GBP5: variants seen among roughly 807,000 people sequenced by gnomAD.
The protein encoded by GBP5 is guanylate binding protein 5.
GBP5 carries 48 observed loss-of-function variants against 58.2 expected under a neutral mutation model. The observed-to-expected ratio is 0.83, with a 90% confidence interval of 0.65 to 1.05. GBP5 has a LOEUF of 1.05. Ranked by LOEUF, GBP5 falls within the 50% of genes least tolerant of loss-of-function variation. The pLI, the probability that GBP5 is intolerant of heterozygous loss-of-function variation, is 0.00. For synonymous variants in GBP5, 248 were observed against 251.8 expected, an observed-to-expected ratio of 0.98 and a Z score of 0.14; for missense variants, 714 against 686.8, an observed-to-expected ratio of 1.04 and a Z score of -0.44.
At position 89,264,978 on chromosome 1, in the gene GBP5, A is replaced by C; in HGVS notation, c.869-12T>G. ...CAGGTTCTTTAGACCTTCATGGAAGAAAGAAACATTTATATTATTTGCAAA... is the reference window on the plus strand; with the variant it reads ...CAGGTTCTTTAGACCTTCATGGAAGCAAGAAACATTTATATTATTTGCAAA... On this transcript the variant is annotated splice_polypyrimidine_tract_variant and intron_variant, in intron 7 of 11. Transcript: ENST00000370459. 1 of 1,599,808 alleles carries C rather than the reference A, an allele frequency of 6.3e-7. No homozygotes were observed. The highest frequency in any genetic ancestry group is 8.5e-7 in the Non-Finnish European group (1 of 1,169,614).
At chr1:89,271,051 T>C (rs941359851) in intron 1 of GBP5, 189 bp from the exon 2 acceptor site, 2 of 152,238 alleles carry the variant, frequency 1.3e-5, no homozygotes, top group African/African-American at 4.8e-5. Flanking sequence ...GTCCCCAATG[T>C]CATCTGGATA....
chr1:89,269,655 T>C, intron 2 of GBP5, 81 bp from the exon 3 acceptor site: 1 of 927,262 alleles, frequency 1.1e-6, no homozygotes, highest in East Asian at 2.4e-5. Flanking sequence ...TTACTGAACC[T>C]GGGGACATAC....
rs1293666044 is a variant in GBP5, at chr1:89,262,252, C to T, written c.1615G>A (p.Glu539Lys). 1 of 1,614,040 alleles carries T rather than the reference C, an allele frequency of 6.2e-7. No homozygotes were observed. The change falls in exon 11 of 12, where the codon GAG (glutamate) becomes AAG (lysine). Residue 539 changes from glutamate (E) to lysine (K), a missense_variant. Coordinates refer to ENST00000370459, the MANE Select transcript of GBP5 (RefSeq NM_052942.5). ...TGTTGTTCCTGCATTTTCTGTTGCT[C>T]TGCCAGCCAATTTTGTTTGGCTATC... is the stretch of plus-strand genomic sequence containing the variant. ...MEIAKQNWLA[E>K]QQKMQEQQMQ...
At position 89,258,286 on chromosome 1, in the gene GBP5, A is replaced by G. The variant is rs544272650; in HGVS notation, c.*2418T>C. On this transcript the variant is annotated 3_prime_UTR_variant, in exon 12 of 12. Transcript: ENST00000370459. ...TCTAGGTTAACAGTAACAAGGTGTG[A>G]AACCTTAAATGACTTAATTTTCTGA... 6.6e-6 allele frequency among the ~76,000 whole-genome samples: 1 copy of G among 152,356 alleles called. No homozygotes were observed. The highest frequency in any genetic ancestry group is 2.1e-4 in the South Asian group (1 of 4,832).
Position 89,269,359 on chromosome 1 carries a change from C to A in GBP5, c.190+7G>T, listed in dbSNP as rs374989558. On this transcript the variant is annotated splice_region_variant and intron_variant, in intron 3 of 11. Transcript: ENST00000370459. ...GGGTTTGGCAGAGCTTTGCTGGTAC[C>A]ACTCACCCTTGTTCTTCCCAGCCAG... The A allele has an allele frequency of 1.2e-6, 2 of 1,613,476 alleles. No individual in the cohort carries two copies. The highest frequency in any genetic ancestry group is 1.7e-6 in the Non-Finnish European group (2 of 1,179,584).
rs749591951 is a variant in GBP5, at chr1:89,262,338, TGCCTTTGAATCGCC to T, written c.1515_1528del (p.Ala506GlufsTer54). ...CCTCTCCTGCATCATTTGCTCGTTC[TGCCTTTGAATCGCC>T]GCCAACCTTTGCGCTTCAGCCTTTT... On this transcript the variant is annotated frameshift_variant, in exon 11 of 12. Transcript: ENST00000370459. LOFTEE classifies it high-confidence loss of function. 17 of 1,614,072 alleles carry T rather than the reference TGCCTTTGAATCGCC, an allele frequency of 1.1e-5. No homozygotes were observed. The highest frequency in any genetic ancestry group is 1.4e-5 in the Non-Finnish European group (16 of 1,180,020).
At position 89,264,953 on chromosome 1, in the gene GBP5, CA is replaced by C; in HGVS notation, c.881del (p.Leu294ArgfsTer3). ...IMVNGSRLKNLVLTYVNAISS... is the reference protein window; with the variant it reads ...IMVNGSRLKNXVLTYVNAISS... Reference sequence around the variant, plus strand: ...TGATGGCATTGACATAGGTCAGCACCAGGTTCTTTAGACCTTCATGGAAGAA... The same window carrying C: ...TGATGGCATTGACATAGGTCAGCACCGGTTCTTTAGACCTTCATGGAAGAA... On this transcript the variant is annotated frameshift_variant, in exon 8 of 12. Transcript: ENST00000370459. LOFTEE classifies it high-confidence loss of function. 6.2e-7 allele frequency: 1 copy of C among 1,612,346 alleles called. No homozygotes were observed. The highest frequency in any genetic ancestry group is 8.5e-7 in the Non-Finnish European group (1 of 1,178,516).
intron 9 of GBP5, 98 bp from the exon 10 acceptor site, chr1:89,262,883 A>C: frequency 2.7e-6 from 2 of 733,786 alleles, no homozygotes. Flanking sequence ...TCTATTCCTC[A>C]TAGGAGAGGC....
At chr1:89,271,319 C>G (rs1467202353) in intron 1 of GBP5, 2 of 152,208 alleles carry the variant, frequency 1.3e-5, no homozygotes, top group Non-Finnish European at 2.9e-5. Flanking sequence ...AACTGGCTAT[C>G]TGTATCTCTC....
chr1:89,264,936 T>A lies in GBP5; in HGVS notation c.899A>T (p.Asn300Ile). The A allele has an allele frequency of 1.2e-6, 2 of 1,614,160 alleles. No individual in the cohort carries two copies. Among genetic ancestry groups the A allele is most frequent in the Non-Finnish European group, 1.7e-6 (2 of 1,179,972 alleles). Reference protein sequence around the residue: ...RLKNLVLTYVNAISSGDLPCI... With the variant: ...RLKNLVLTYVIAISSGDLPCI... ...AGGCAGATCCCCACTGCTGATGGCA[T>A]TGACATAGGTCAGCACCAGGTTCTT... Residue 300 changes from asparagine to isoleucine, a missense_variant, in exon 8 of 12, where the codon AAT becomes ATT. Physicochemically the swap from Asn to Ile is moderately radical, Grantham distance 149. Coordinates refer to ENST00000370459, the MANE Select transcript of GBP5 (RefSeq NM_052942.5).
intron 1 of GBP5, chr1:89,272,046 A>G (rs778262196): frequency 1.4e-4 from 21 of 152,180 alleles, no homozygotes; most frequent in Admixed American, 2.6e-4. Flanking sequence ...AGCTACTTAC[A>G]TTGCATCATA....
rs768310850 is a variant in GBP5, at chr1:89,267,471, G to A, written c.374C>T (p.Thr125Ile). The A allele has an allele frequency of 6.2e-7, 1 of 1,614,014 alleles. No homozygotes were observed. Among genetic ancestry groups the A allele is most frequent in the Non-Finnish European group, 8.5e-7 (1 of 1,179,924 alleles). ...IFALALLLSS[T>I]FVYNTVNKID... ...TTTGTTCACAGTATTGTACACAAAGGTGCTGCTCAGTAAGAGTGCCAGTGC... is the reference window on the plus strand; with the variant it reads ...TTTGTTCACAGTATTGTACACAAAGATGCTGCTCAGTAAGAGTGCCAGTGC... Residue 125 changes from threonine (T) to isoleucine (I), a missense_variant, in exon 5 of 12, where the codon ACC (threonine) becomes ATC (isoleucine). Coordinates refer to ENST00000370459, the MANE Select transcript of GBP5 (RefSeq NM_052942.5).
At chr1:89,266,783 T>G (rs1650237832) in intron 6 of GBP5, among the ~76,000 whole-genome samples, 174 bp downstream of exon 6, 1 of 152,140 alleles carries the variant, frequency 6.6e-6, no homozygotes, top group Non-Finnish European at 1.5e-5. Flanking sequence ...AAAATGCAAT[T>G]TAATATTGAA....
Position 89,269,858 on chromosome 1 carries a change from T to C in GBP5, c.-19-284A>G, listed in dbSNP as rs12033007. On this transcript the variant is annotated intron_variant, in intron 2 of 11. Coordinates refer to ENST00000370459, the MANE Select transcript of GBP5 (RefSeq NM_052942.5). The stretch of plus-strand genomic sequence containing the variant: ...CCATTTCCTGCGTCTAACCTACTAG[T>C]TTGAATCTAACTCTTATTCCATTGG... The C allele has an allele frequency of 8.1e-4, 159 of 196,044 alleles. 1 individual carries two copies. In the East Asian group the frequency reaches 0.019, roughly 23 times the overall value. 12.1% of individuals were successfully genotyped at this position (196,044 alleles called of 1,614,324 possible). A position where few individuals can be genotyped will look rare whatever the true frequency, so the allele number is the denominator to read the frequency against.
In GBP5 at chr1:89,260,731, ATT is replaced by A. The variant is rs1308559080; in HGVS notation, c.1732_1733del (p.Asn578Ter). On this transcript the variant is annotated frameshift_variant, in exon 12 of 12. Coordinates refer to ENST00000370459, the MANE Select transcript of GBP5 (RefSeq NM_052942.5). LOFTEE classifies it low-confidence loss of function (END_TRUNC). ...AGAGTAAAACACATGGATCATCGTTATTAACAGTCCTCTGGGCGTGCTGGAGC... is the reference window on the plus strand; with the variant it reads ...AGAGTAAAACACATGGATCATCGTTAAACAGTCCTCTGGGCGTGCTGGAGC... ...SELQHAQRTV[N>X]NDDPCVLL 1 of 1,613,666 alleles carries A rather than the reference ATT, an allele frequency of 6.2e-7. No individual in the cohort carries two copies.
intron 9 of GBP5, 132 bp downstream of exon 9, chr1:89,263,604 A>G (rs1157753314): frequency 1.1e-5 from 7 of 617,896 alleles, no homozygotes; most frequent in Admixed American, 1.1e-4. Context: ...TGCTTATTCA[A>G]GAAAAGGATT....
Position 89,258,248 on chromosome 1 carries a change from C to G in GBP5, c.*2456G>C, listed in dbSNP as rs1400186087. On this transcript the variant is annotated 3_prime_UTR_variant, in exon 12 of 12. Coordinates refer to ENST00000370459, the MANE Select transcript of GBP5 (RefSeq NM_052942.5). The stretch of plus-strand genomic sequence containing the variant: ...GTTAAATTAGACTAGAAATCAACTA[C>G]TTTGTAACATGGTCTAGGTTAACAG... 6.6e-6 allele frequency among the ~76,000 whole-genome samples: 1 copy of G among 152,138 alleles called. No individual in the cohort carries two copies. The highest frequency in any genetic ancestry group is 2.4e-5 in the African/African-American group (1 of 41,426).
intron 8 of GBP5, 32 bp from the exon 9 acceptor site, chr1:89,263,980 G>C (rs1426734220): frequency 1.6e-6 from 2 of 1,240,606 alleles, no homozygotes; most frequent in African/African-American, 3.0e-5. Flanking sequence ...TGGAAAAGAT[G>C]TTAGCAATAC....
Position 89,265,068 on chromosome 1 carries a change from A to G in GBP5, c.869-102T>C. The stretch of plus-strand genomic sequence containing the variant: ...ACATTTAATAGTTGCATTGCCTGAA[A>G]TTGTTTAGCATTATGGACAGTAGTC... On this transcript the variant is annotated intron_variant, in intron 7 of 11. Coordinates refer to ENST00000370459, the MANE Select transcript of GBP5 (RefSeq NM_052942.5). 6.1e-6 allele frequency: 7 copies of G among 1,143,450 alleles called. No individual in the cohort carries two copies. In the South Asian group the frequency reaches 1.0e-4, roughly 17 times the overall value. The allele number at this position is 1,143,450 out of a possible 1,614,324, so 70.8% of individuals were successfully genotyped here.
Sources: gnomAD v4.1 joint callset for allele counts (sites outside exome capture counted in the v4.1 genomes callset) on GRCh38, gnomAD v4.1.1 for gene constraint, MANE v1.5 for transcripts, NCBI Gene and HGNC (gene_info 2026-07-23, HGNC 2026-07-21) for gene names.